The following PDZRN3 variants were observed in gnomAD, a reference collection of about 807,000 sequenced individuals.
PDZRN3 encodes the protein PDZ domain containing ring finger 3.
Under a neutral mutation model 85.7 loss-of-function variants are expected in PDZRN3, and 38 were observed. That is an observed-to-expected ratio of 0.44 (90% CI 0.34 to 0.58). The LOEUF (loss-of-function observed/expected upper bound fraction) is 0.58, where lower values mean the gene tolerates loss of function less well. Ranked by LOEUF, PDZRN3 falls within the 20% of genes least tolerant of loss-of-function variation. The probability of loss-of-function intolerance (pLI) is 0.01; values close to 1 mark genes in which losing one functional copy is unlikely to be tolerated. For missense variants in PDZRN3, 1,629 were observed against 1,506.4 expected, an observed-to-expected ratio of 1.08 and a Z score of -1.35; for synonymous variants, 759 against 638.0, an observed-to-expected ratio of 1.19 and a Z score of -2.86.
chr3:73,524,468 T>G (rs1704472869), intron 3 of PDZRN3, among the ~76,000 whole-genome samples: 1 of 152,206 alleles, frequency 6.6e-6, no homozygotes. Context: ...CAGTGAACTC[T>G]GAAAGCACAG....
intron 3 of PDZRN3, among the ~76,000 whole-genome samples, chr3:73,444,471 CAA>C (rs2106828587): frequency 6.6e-6 from 1 of 152,334 alleles, no homozygotes; most frequent in African/African-American, 2.4e-5. Context: ...TTCTTGAAGA[CAA>C]AAACCCCACC....
chr3:73,387,118 C>T (rs1407003830), intron 8 of PDZRN3, among the ~76,000 whole-genome samples: 1 of 152,200 alleles, frequency 6.6e-6, no homozygotes, highest in East Asian at 1.9e-4. Context: ...GTGCCTTTTG[C>T]CTTCCACCAT....
At chr3:73,513,036 G>C (rs899180957) in intron 3 of PDZRN3, among the ~76,000 whole-genome samples, 2 of 152,146 alleles carry the variant, frequency 1.3e-5, no homozygotes, top group Non-Finnish European at 2.9e-5. Flanking sequence ...GGGTACCAAG[G>C]GCCAGTTCCC....
chr3:73,549,045 G>T (rs577110418), intron 3 of PDZRN3, among the ~76,000 whole-genome samples: 16 of 152,308 alleles, frequency 1.1e-4, no homozygotes, highest in African/African-American at 3.4e-4. Context: ...AGGTCAAATG[G>T]TTGGTGGCAT....
chr3:73,480,133 C>A (rs889128080), intron 3 of PDZRN3, among the ~76,000 whole-genome samples: 2 of 152,200 alleles, frequency 1.3e-5, no homozygotes, highest in African/African-American at 2.4e-5. Flanking sequence ...CTAGACATAG[C>A]AGTTTGCCCT....
chr3:73,492,950 T>C (rs781773982), intron 3 of PDZRN3, among the ~76,000 whole-genome samples: 1 of 149,710 alleles, frequency 6.7e-6, no homozygotes, highest in African/African-American at 2.4e-5. Context: ...AAATGAGTAC[T>C]CTTAGGGTTA....
chr3:73,590,045 G>C (rs1033096891), intron 3 of PDZRN3, among the ~76,000 whole-genome samples: 29 of 152,008 alleles, frequency 1.9e-4, no homozygotes, highest in Admixed American at 1.6e-3. Context: ...AAGGCAGGTG[G>C]ATCACTTGAG....
rs115985963 is a variant in PDZRN3 at position 73,509,713 on chromosome 3, T to C, written c.918+92641A>G. On this transcript the variant is annotated intron_variant, in intron 3 of 9. Transcript: ENST00000263666. ...CAAGGAAAACAGCCTCTTCTCTTACTGCCTAAGCAACTCCTAGCAGTAACT... is the reference window on the plus strand; with the variant it reads ...CAAGGAAAACAGCCTCTTCTCTTACCGCCTAAGCAACTCCTAGCAGTAACT... Among the ~76,000 whole-genome samples the C allele has an allele frequency of 3.4e-3, 515 of 152,360 alleles. 4 individuals carry two copies. Among genetic ancestry groups the C allele is most frequent in the African/African-American group, 0.012 (498 of 41,590 alleles).
intron 3 of PDZRN3, among the ~76,000 whole-genome samples, chr3:73,490,521 G>C (rs985401316): frequency 6.6e-6 from 1 of 152,116 alleles, no homozygotes; most frequent in Non-Finnish European, 1.5e-5. Context: ...GGCAAATGTG[G>C]GCAACAGCCC....
intron 4 of PDZRN3, among the ~76,000 whole-genome samples, chr3:73,402,980 G>T (rs1481827400): frequency 7.3e-6 from 1 of 136,992 alleles, no homozygotes; most frequent in Non-Finnish European, 1.5e-5. Context: ...GTCTCGCTCT[G>T]TTGCCCAGGC....
rs113749962 is a variant in PDZRN3, at chr3:73,516,854, G to A, written c.918+85500C>T. On this transcript the variant is annotated intron_variant, in intron 3 of 9. Coordinates refer to ENST00000263666, the MANE Select transcript of PDZRN3 (RefSeq NM_015009.3). The stretch of plus-strand genomic sequence containing the variant: ...TTCTACAGATCCATTTATGGTCTTG[G>A]TCTGGTGCTGGCTGTGCTCATGTGC... Among the ~76,000 whole-genome samples, 1,250 of 152,272 alleles carry A rather than the reference G, an allele frequency of 8.2e-3. 13 individuals are homozygous for A. The highest frequency in any genetic ancestry group is 0.028 in the African/African-American group (1,146 of 41,548).
At chr3:73,406,823 G>A (rs1334714552) in intron 3 of PDZRN3, among the ~76,000 whole-genome samples, 1 of 152,194 alleles carries the variant, frequency 6.6e-6, no homozygotes, top group Non-Finnish European at 1.5e-5. Flanking sequence ...GTGAGGAGAG[G>A]ATGGGGAATT....
intron 3 of PDZRN3, among the ~76,000 whole-genome samples, chr3:73,444,086 C>T (rs1300824923): frequency 6.6e-6 from 1 of 152,178 alleles, no homozygotes; most frequent in Non-Finnish European, 1.5e-5. Context: ...TCCTGCTATC[C>T]TGCCCCTGAC....
chr3:73,615,404 C>T (rs1197991762), intron 1 of PDZRN3, among the ~76,000 whole-genome samples: 1 of 152,208 alleles, frequency 6.6e-6, no homozygotes, highest in Non-Finnish European at 1.5e-5. Flanking sequence ...AGCATCTTAA[C>T]ACTTCCACTT....
At chr3:73,574,557 C>G (rs1233088679) in intron 3 of PDZRN3, among the ~76,000 whole-genome samples, 2 of 151,958 alleles carry the variant, frequency 1.3e-5, no homozygotes, top group Non-Finnish European at 2.9e-5. Context: ...CTCCCGTGTT[C>G]AAGCAATTCT....
chr3:73,459,428 G>A (rs902917355), intron 3 of PDZRN3, among the ~76,000 whole-genome samples: 1 of 152,158 alleles, frequency 6.6e-6, no homozygotes, highest in South Asian at 2.1e-4. Flanking sequence ...TCATGGGGGT[G>A]TGCACATTAT....
At chr3:73,576,073 G>A (rs1030072472) in intron 3 of PDZRN3, among the ~76,000 whole-genome samples, 1 of 152,006 alleles carries the variant, frequency 6.6e-6, no homozygotes, top group Non-Finnish European at 1.5e-5. Flanking sequence ...GTCATTATAT[G>A]TCCTTTGGAA....
chr3:73,464,354 C>A lies in PDZRN3; in HGVS notation c.919-59959G>T, dbSNP rs149288453. On this transcript the variant is annotated intron_variant, in intron 3 of 9. Transcript: ENST00000263666. The stretch of plus-strand genomic sequence containing the variant: ...TGTTACTCACTATTGTGAGTAATAT[C>A]TTTTTTTGTCATATTCTAGTTGGTT... Among the ~76,000 whole-genome samples the A allele has an allele frequency of 3.3e-3, 506 of 152,128 alleles. 4 individuals carry two copies. Among genetic ancestry groups the A allele is most frequent in the African/African-American group, 0.011 (461 of 41,504 alleles).
chr3:73,561,292 A>T (rs1701809144), intron 3 of PDZRN3, among the ~76,000 whole-genome samples: 1 of 152,218 alleles, frequency 6.6e-6, no homozygotes, highest in Non-Finnish European at 1.5e-5. Context: ...CAACCTTTCA[A>T]CCATTAGGGC....
Sources: gnomAD v4.1 joint callset for allele counts (sites outside exome capture counted in the v4.1 genomes callset) on GRCh38, gnomAD v4.1.1 for gene constraint, MANE v1.5 for transcripts, NCBI Gene and HGNC (gene_info 2026-07-23, HGNC 2026-07-21) for gene names.